The following PACS1 variants were observed in gnomAD, a reference collection of about 807,000 sequenced individuals.
PACS1 encodes the protein PACS-1.
PACS1 carries 24 observed loss-of-function variants against 115.0 expected under a neutral mutation model. The observed-to-expected ratio is 0.21, with a 90% CI of 0.15 to 0.29. PACS1 has a LOEUF of 0.29. Among genes scored for constraint, PACS1 ranks in the 10% least tolerant of loss-of-function variants. The probability of loss-of-function intolerance (pLI) is 1.00; values close to 1 mark genes in which losing one functional copy is unlikely to be tolerated. For synonymous variants in PACS1, 453 were observed against 504.5 expected (o/e 0.90, Z 1.37); for missense variants, 838 against 1,251.2 (o/e 0.67, Z 4.98).
chr11:66,235,243 C>G lies in PACS1; in HGVS notation c.2105-58C>G, dbSNP rs909805724. The G allele has an allele frequency of 7.8e-7, 1 of 1,287,310 alleles. No individual in the cohort carries two copies. The highest frequency in any genetic ancestry group is 1.5e-5 in the African/African-American group (1 of 68,782). The allele number at this position is 1,287,310 out of a possible 1,614,324, so 79.7% of individuals were successfully genotyped here. On this transcript the variant is annotated intron_variant, in intron 17 of 23. Transcript: ENST00000320580. This position sits in a 1 kb window ranked among gnomAD's most constrained non-coding sequence, Gnocchi z 5.6. Reference sequence around the variant, plus strand: ...GGAAGGGATCCCTCTCCGAGAGGGTCTGCAGGTTTGCCAGCTGAAGTCAGT... The same window carrying G: ...GGAAGGGATCCCTCTCCGAGAGGGTGTGCAGGTTTGCCAGCTGAAGTCAGT...
Position 66,236,003 on chromosome 11 carries a change from A to C in PACS1, c.2250+63A>C. Reference sequence around the variant, plus strand: ...TCTCCTGGTCTTCCTGTTCCCCCTTACACAGGAAAACAAAAGATTCATCTA... The same window carrying C: ...TCTCCTGGTCTTCCTGTTCCCCCTTCCACAGGAAAACAAAAGATTCATCTA... On this transcript the variant is annotated intron_variant, in intron 19 of 23. Coordinates refer to ENST00000320580, the MANE Select transcript of PACS1 (RefSeq NM_018026.4). The surrounding 1 kb of genome is among the most constrained non-coding windows in gnomAD (Gnocchi z 4.2). The C allele has an allele frequency of 2.1e-6, 3 of 1,401,152 alleles. No homozygotes were observed. Among genetic ancestry groups the C allele is most frequent in the Non-Finnish European group, 3.0e-6 (3 of 985,556 alleles). The allele number at this position is 1,401,152 out of a possible 1,614,324, so 86.8% of individuals were successfully genotyped here. A position where few individuals can be genotyped will look rare whatever the true frequency, so the allele number is the denominator to read the frequency against.
intron 22 of PACS1, 58 bp from the exon 23 acceptor site, chr11:66,242,854 G>C: frequency 6.2e-7 from 1 of 1,609,182 alleles, no homozygotes; most frequent in Non-Finnish European, 8.5e-7. Context: ...GGCTGGGGAG[G>C]AGAGGGGTGG....
intron 2 of PACS1, among the ~76,000 whole-genome samples, chr11:66,196,068 TAAG>T (rs1359627544): frequency 6.6e-6 from 1 of 152,048 alleles, no homozygotes; most frequent in South Asian, 2.1e-4. Flanking sequence ...ATGAGTGAAA[TAAG>T]AAGATAAAAG....
At chr11:66,215,856 C>T (rs1043444864) in intron 4 of PACS1, among the ~76,000 whole-genome samples, 15 of 150,668 alleles carry the variant, frequency 1.0e-4, no homozygotes, top group East Asian at 7.8e-4. Flanking sequence ...GCCGAGATCA[C>T]GCCACTGCAC....
At position 66,220,734 on chromosome 11, in the gene PACS1, G is replaced by C; in HGVS notation, c.1142G>C (p.Ser381Thr). 6.2e-7 allele frequency: 1 copy of C among 1,614,208 alleles called. No homozygotes were observed. The highest frequency in any genetic ancestry group is 8.5e-7 in the Non-Finnish European group (1 of 1,180,034). ...DSLEMYNPSD[S>T]GPEMEETESI... ...CTGGAGATGTACAACCCCAGCGACAGTGGCCCTGAGATGGAGGAGACAGAA... is the reference window on the plus strand; with the variant it reads ...CTGGAGATGTACAACCCCAGCGACACTGGCCCTGAGATGGAGGAGACAGAA... Residue 381 changes from serine to threonine, a missense_variant, in exon 9 of 24, where the codon AGT (serine) becomes ACT (threonine). Ser to Thr is a moderately conservative substitution (Grantham distance 58). Around this residue, in one of 6 missense-constraint regions of PACS1, gnomAD observed 223 missense variants for 354.0 expected, o/e 0.63. Coordinates refer to ENST00000320580, the MANE Select transcript of PACS1 (RefSeq NM_018026.4).
Position 66,236,754 on chromosome 11 carries a change from CTTTT to C in PACS1, c.2250+818_2250+821del, listed in dbSNP as rs957459951. ...ATTTCCCTTCGAAACCAGCTTCTAT[CTTTT>C]TTTATTATTTTTTTTTTTTATGAGA... On this transcript the variant is annotated intron_variant, in intron 19 of 23. Coordinates refer to ENST00000320580, the MANE Select transcript of PACS1 (RefSeq NM_018026.4). The surrounding 1 kb of genome is among the most constrained non-coding windows in gnomAD (Gnocchi z 4.2). 6.7e-6 allele frequency among the ~76,000 whole-genome samples: 1 copy of C among 149,738 alleles called. No individual in the cohort carries two copies. Among genetic ancestry groups the C allele is most frequent in the African/African-American group, 2.5e-5 (1 of 40,398 alleles).
At chr11:66,090,035 T>C (rs1469856626) in intron 1 of PACS1, among the ~76,000 whole-genome samples, 4 of 144,742 alleles carry the variant, frequency 2.8e-5, no homozygotes, top group Non-Finnish European at 3.0e-5. Context: ...AGAAATGCCA[T>C]TGGTATAAAT....
In PACS1 at chr11:66,180,040, C is replaced by T. The variant is rs557932281; in HGVS notation, c.357-13446C>T. Among the ~76,000 whole-genome samples, 48 of 152,216 alleles carry T rather than the reference C, an allele frequency of 3.2e-4. 2 individuals are homozygous for T. The highest frequency in any genetic ancestry group is 1.1e-3 in the African/African-American group (46 of 41,540). On this transcript the variant is annotated intron_variant, in intron 1 of 23. Transcript: ENST00000320580. ...GTATTTTAGTAGAGATGGGGTTTCACCATGTTGGCCAAGCTGGTCTCAAAC... is the reference window on the plus strand; with the variant it reads ...GTATTTTAGTAGAGATGGGGTTTCATCATGTTGGCCAAGCTGGTCTCAAAC...
At chr11:66,121,464 A>C (rs1169191646) in intron 1 of PACS1, among the ~76,000 whole-genome samples, 2 of 152,210 alleles carry the variant, frequency 1.3e-5, no homozygotes, top group Admixed American at 1.3e-4. Context: ...GATTAAGCTT[A>C]GTAAGGAAGG....
At chr11:66,188,653 C>A (rs1854443601) in intron 1 of PACS1, among the ~76,000 whole-genome samples, 1 of 152,144 alleles carries the variant, frequency 6.6e-6, no homozygotes, top group African/African-American at 2.4e-5. Flanking sequence ...GAGAAGCGCC[C>A]ACCAGTGAAA....
intron 2 of PACS1, among the ~76,000 whole-genome samples, chr11:66,200,908 T>A: frequency 1.3e-5 from 2 of 149,278 alleles, no homozygotes; most frequent in African/African-American, 4.9e-5. Flanking sequence ...ACAAAACAAG[T>A]CTTAAAACAT....
At chr11:66,086,800 A>G (rs1039949909) in intron 1 of PACS1, among the ~76,000 whole-genome samples, 1 of 151,870 alleles carries the variant, frequency 6.6e-6, no homozygotes, top group East Asian at 1.9e-4. Flanking sequence ...ATTTTTTTGT[A>G]GAAATGGGGT....
At chr11:66,203,262 A>G (rs1854857954) in intron 2 of PACS1, among the ~76,000 whole-genome samples, 1 of 152,198 alleles carries the variant, frequency 6.6e-6, no homozygotes, top group Non-Finnish European at 1.5e-5. Context: ...TACAAGAGCT[A>G]CAAATAAGAT....
chr11:66,219,261 G>C (rs7128864), intron 7 of PACS1, among the ~76,000 whole-genome samples: 1 of 151,930 alleles, frequency 6.6e-6, no homozygotes, highest in African/African-American at 2.4e-5. Flanking sequence ...GAATGGGCCT[G>C]CGGGGAGAAC....
At chr11:66,219,942 G>T in intron 8 of PACS1, 137 bp downstream of exon 8, 1 of 740,154 alleles carries the variant, frequency 1.4e-6, no homozygotes, top group Non-Finnish European at 2.4e-6. Flanking sequence ...GGCATACCTG[G>T]TAGAGCCCTA....
chr11:66,070,408 C>T lies in PACS1; in HGVS notation c.-79C>T. ...GCGGGCTGAGGAGGCTGCCGCGCCC[C>T]CGCCGCCGCCGCCGCGGGGGAAGCC... On this transcript the variant is annotated 5_prime_UTR_variant, in exon 1 of 24. Transcript: ENST00000320580. The surrounding 1 kb of genome is among the most constrained non-coding windows in gnomAD (Gnocchi z 5.9). 5 of 778,134 alleles carry T rather than the reference C, an allele frequency of 6.4e-6. No individual in the cohort carries two copies. Among genetic ancestry groups the T allele is most frequent in the Non-Finnish European group, 6.7e-6 (4 of 594,470 alleles). The allele number at this position is 778,134 out of a possible 1,614,324, so 48.2% of individuals were successfully genotyped here. A position where few individuals can be genotyped will look rare whatever the true frequency, so the allele number is the denominator to read the frequency against.
At chr11:66,125,868 C>T (rs1858559621) in intron 1 of PACS1, among the ~76,000 whole-genome samples, 1 of 151,992 alleles carries the variant, frequency 6.6e-6, no homozygotes, top group East Asian at 1.9e-4. Context: ...GGTGAAACCT[C>T]GTCTCTACTA....
intron 1 of PACS1, among the ~76,000 whole-genome samples, chr11:66,123,444 G>A (rs772618205): frequency 5.9e-5 from 9 of 151,994 alleles, no homozygotes; most frequent in Non-Finnish European, 1.5e-5. Flanking sequence ...CACCTGCCTC[G>A]GCCTCCCAAA....
chr11:66,074,691 A>T (rs189997356), intron 1 of PACS1, among the ~76,000 whole-genome samples: 1 of 151,864 alleles, frequency 6.6e-6, no homozygotes, highest in Admixed American at 6.6e-5. Context: ...CTTAGGTCAC[A>T]TTTTTTTTAA....
Sources: gnomAD v4.1 joint callset for allele counts (sites outside exome capture counted in the v4.1 genomes callset) on GRCh38, gnomAD v4.1.1 for gene constraint, gnomAD v4.1.1 regional missense constraint, Gnocchi (gnomAD v3.1) non-coding constraint, MANE v1.5 for transcripts, NCBI Gene and HGNC (gene_info 2026-07-23, HGNC 2026-07-21) for gene names.